GRIK2: variants seen among roughly 807,000 people sequenced by gnomAD.
GRIK2 encodes glutamate ionotropic receptor kainate type subunit 2.
GRIK2 carries 32 observed loss-of-function variants against 100.3 expected under a neutral mutation model. The observed-to-expected ratio is 0.32, with a 90% CI of 0.24 to 0.43. The LOEUF is 0.43. GRIK2 is among the 20% of genes least tolerant of loss of function. The pLI, the probability that GRIK2 is intolerant of heterozygous loss-of-function variation, is 1.00. For synonymous variants in GRIK2, 417 were observed against 389.4 expected, an observed-to-expected ratio of 1.07 and a Z score of -0.83; for missense variants, 843 against 1,114.9, an observed-to-expected ratio of 0.76 and a Z score of 3.47.
At chr6:101,818,983 C>T (rs549776530) in intron 10 of GRIK2, among the ~76,000 whole-genome samples, 2 of 151,644 alleles carry the variant, frequency 1.3e-5, no homozygotes, top group Non-Finnish European at 2.9e-5. Flanking sequence ...TATGAATTTC[C>T]CTAATGTAAC....
chr6:101,589,289 G>C (rs992678601), intron 2 of GRIK2, among the ~76,000 whole-genome samples: 1 of 152,088 alleles, frequency 6.6e-6, no homozygotes, highest in Admixed American at 6.6e-5. Flanking sequence ...AACTCACATA[G>C]TTATTACTTT....
At chr6:101,486,588 A>C (rs1156837426) in intron 2 of GRIK2, among the ~76,000 whole-genome samples, 1 of 152,112 alleles carries the variant, frequency 6.6e-6, no homozygotes, top group African/African-American at 2.4e-5. Flanking sequence ...AGGGAGACCA[A>C]ATTGGAGGGG....
intron 2 of GRIK2, among the ~76,000 whole-genome samples, chr6:101,446,648 C>A (rs1451399571): frequency 6.6e-6 from 1 of 151,726 alleles, no homozygotes; most frequent in Non-Finnish European, 1.5e-5. Flanking sequence ...ATTGATAGAT[C>A]ACTTTACCAT....
intron 2 of GRIK2, among the ~76,000 whole-genome samples, chr6:101,425,792 T>C (rs1776670314): frequency 6.6e-6 from 1 of 152,150 alleles, no homozygotes. Flanking sequence ...TGCCCAGCAT[T>C]CCCCTGGCTT....
At chr6:101,982,882 GCTCCT>G (rs1793801634) in intron 14 of GRIK2, among the ~76,000 whole-genome samples, 1 of 151,544 alleles carries the variant, frequency 6.6e-6, no homozygotes. Flanking sequence ...ACATGGTTTG[GCTCCT>G]CTCTTTACTT....
intron 11 of GRIK2, among the ~76,000 whole-genome samples, chr6:101,862,737 GA>G (rs1294208565): frequency 6.6e-6 from 1 of 151,826 alleles, no homozygotes; most frequent in Non-Finnish European, 1.5e-5. Flanking sequence ...AAATACACTT[GA>G]AAAAATAAAT....
chr6:101,733,887 G>A (rs1337422), intron 7 of GRIK2, among the ~76,000 whole-genome samples: 42,850 of 151,592 alleles, frequency 0.28, 7,597 homozygotes, highest in African/African-American at 0.48. Context: ...TTGCTAATTT[G>A]TAACAAGAAT....
chr6:101,579,563 T>A (rs1777964515), intron 2 of GRIK2, among the ~76,000 whole-genome samples: 1 of 152,062 alleles, frequency 6.6e-6, no homozygotes, highest in Admixed American at 6.6e-5. Context: ...GTTTAAAAGA[T>A]ACATTTGGGC....
chr6:101,919,179 C>T (rs1210619105), intron 12 of GRIK2, among the ~76,000 whole-genome samples: 1 of 151,632 alleles, frequency 6.6e-6, no homozygotes, highest in Non-Finnish European at 1.5e-5. Context: ...ATTGATTCTA[C>T]ACAAGGGGAG....
At chr6:101,431,995 A>G (rs762159368) in intron 2 of GRIK2, among the ~76,000 whole-genome samples, 8 of 152,182 alleles carry the variant, frequency 5.3e-5, no homozygotes, top group Non-Finnish European at 1.0e-4. Context: ...TTTACTGTCC[A>G]CATACAAGAA....
chr6:102,004,501 T>C (rs1204470293), intron 14 of GRIK2, among the ~76,000 whole-genome samples: 1 of 151,924 alleles, frequency 6.6e-6, no homozygotes, highest in African/African-American at 2.4e-5. Flanking sequence ...ACATGTCCTT[T>C]TGAAAATGTT....
intron 14 of GRIK2, among the ~76,000 whole-genome samples, chr6:101,963,669 T>A (rs1792475505): frequency 6.6e-6 from 1 of 151,848 alleles, no homozygotes; most frequent in African/African-American, 2.4e-5. Flanking sequence ...TAGTTTAATA[T>A]AGAAACAATC....
chr6:101,424,315 C>G (rs1776578134), intron 2 of GRIK2, among the ~76,000 whole-genome samples: 3 of 150,984 alleles, frequency 2.0e-5, no homozygotes, highest in Admixed American at 6.6e-5. Flanking sequence ...GCTATCCCTC[C>G]CCCATCCCCC....
In GRIK2 at chr6:101,662,050, G is replaced by C. The variant is rs1335367584; in HGVS notation, c.542-14573G>C. On this transcript the variant is annotated intron_variant, in intron 4 of 16. Coordinates refer to ENST00000369134, the MANE Select transcript of GRIK2 (RefSeq NM_021956.5). ...ATACTCCAGCTTCCTCACCCTCAGA[G>C]GTAAGGCCCAGGCAGTAATGTTCAT... Among the ~76,000 whole-genome samples, 4 of 152,196 alleles carry C rather than the reference G, an allele frequency of 2.6e-5. No individual in the cohort carries two copies. The East Asian group carries it at 7.7e-4, about 29-fold the overall frequency.
chr6:101,841,656 G>A (rs569486665), intron 10 of GRIK2, among the ~76,000 whole-genome samples: 12 of 152,146 alleles, frequency 7.9e-5, no homozygotes, highest in South Asian at 6.2e-4. Flanking sequence ...GAGCCACCCC[G>A]CCCAGCCTGC....
At chr6:101,951,613 G>A (rs1453705553) in intron 14 of GRIK2, among the ~76,000 whole-genome samples, 2 of 152,108 alleles carry the variant, frequency 1.3e-5, no homozygotes, top group Non-Finnish European at 1.5e-5. Flanking sequence ...TAATCCCCAC[G>A]TGTCATGGGA....
At chr6:101,835,360 T>G (rs185048512) in intron 10 of GRIK2, among the ~76,000 whole-genome samples, 1 of 152,206 alleles carries the variant, frequency 6.6e-6, no homozygotes, top group Non-Finnish European at 1.5e-5. Context: ...TTTAAATTTA[T>G]TTGACAGTTT....
intron 2 of GRIK2, among the ~76,000 whole-genome samples, chr6:101,508,792 T>C (rs1203946219): frequency 6.6e-6 from 1 of 152,178 alleles, no homozygotes; most frequent in Admixed American, 6.5e-5. Context: ...ATTTCTGATA[T>C]GTTTCATTCC....
At chr6:101,434,765 G>C (rs1769619485) in intron 2 of GRIK2, among the ~76,000 whole-genome samples, 1 of 152,178 alleles carries the variant, frequency 6.6e-6, no homozygotes, top group African/African-American at 2.4e-5. Context: ...CTTTGTTCTT[G>C]AGGTGAGACA....
Sources: gnomAD v4.1 joint callset for allele counts (sites outside exome capture counted in the v4.1 genomes callset) on GRCh38, gnomAD v4.1.1 for gene constraint, MANE v1.5 for transcripts, NCBI Gene and HGNC (gene_info 2026-07-23, HGNC 2026-07-21) for gene names.